DDR1: variants seen among roughly 807,000 people sequenced by gnomAD.
DDR1 encodes discoidin domain receptor tyrosine kinase 1.
Under a neutral mutation model 97.4 loss-of-function variants are expected in DDR1, and 64 were observed. The observed-to-expected ratio is 0.66, with a 90% CI of 0.54 to 0.81. DDR1 has a LOEUF of 0.81. Ranked by LOEUF, DDR1 falls within the 30% of genes least tolerant of loss-of-function variation. The pLI, the probability that DDR1 is intolerant of heterozygous loss-of-function variation, is 0.00. For missense variants in DDR1, 990 were observed against 1,259.6 expected, an observed-to-expected ratio of 0.79 and a Z score of 3.24; for synonymous variants, 458 against 503.7, an observed-to-expected ratio of 0.91 and a Z score of 1.21.
chr6:30,892,517 C>A lies in DDR1; in HGVS notation c.1074C>A (p.Leu358=), dbSNP rs1392891394. 6.3e-7 allele frequency: 1 copy of A among 1,598,910 alleles called. No individual in the cohort carries two copies. The highest frequency in any genetic ancestry group is 1.1e-5 in the South Asian group (1 of 89,968). The change falls in exon 8 of 18, where the codon CTC becomes CTA. Residue 358 remains leucine (L), a synonymous_variant. Coordinates refer to ENST00000376568, the MANE Select transcript of DDR1 (RefSeq NM_001297654.2). ...TCCTCTTTGCGGGGCCCTGGTTACTCTTCAGCGAAATCTCCTTCATCTCTG... is the reference window on the plus strand; with the variant it reads ...TCCTCTTTGCGGGGCCCTGGTTACTATTCAGCGAAATCTCCTTCATCTCTG... ...CRFLFAGPWL[L]FSEISFISDV...
At position 30,888,883 on chromosome 6, in the gene DDR1, T is replaced by G. The variant is rs1350055743; in HGVS notation, c.86-25T>G. On this transcript the variant is annotated intron_variant, in intron 2 of 17. Coordinates refer to ENST00000376568, the MANE Select transcript of DDR1 (RefSeq NM_001297654.2). The surrounding 1 kb of genome is among the most constrained non-coding windows in gnomAD (Gnocchi z 4.2). ...AGGTAGAGAGTTGGGGGCCTTGACC[T>G]GTTACATGCCTGCTTTTTACTCAGC... The G allele has an allele frequency of 6.2e-7, 1 of 1,612,946 alleles. No homozygotes were observed. The highest frequency in any genetic ancestry group is 1.3e-5 in the African/African-American group (1 of 74,986).
Position 30,896,662 on chromosome 6 carries a change from C to A in DDR1, c.1666C>A (p.Pro556Thr). ...DYMEPEKPGA[P>T]LLPPPPQNSV... ...TATGGAGCCTGAGAAGCCAGGCGCC[C>A]CGCTTCTGCCCCCACCTCCCCAGAA... The change falls in exon 13 of 18, where the codon CCG (proline) becomes ACG (threonine). Residue 556 changes from proline (P) to threonine (T), a missense_variant. Physicochemically the swap from Pro to Thr is conservative, Grantham distance 38. Transcript: ENST00000376568. 6.2e-7 allele frequency: 1 copy of A among 1,613,454 alleles called. No individual in the cohort carries two copies. Among genetic ancestry groups the A allele is most frequent in the Non-Finnish European group, 8.5e-7 (1 of 1,179,730 alleles).
upstream of DDR1, chr6:30,883,066 GCTGT>G (rs1179257866): frequency 2.0e-5 from 3 of 152,454 alleles, no homozygotes; most frequent in African/African-American, 4.8e-5. This position sits in a 1 kb window ranked among gnomAD's most constrained non-coding sequence, Gnocchi z 4.9. Context: ...TGACCCTGGG[GCTGT>G]CTGTTAGCAG....
chr6:30,895,841 C>T (rs1004316195), intron 12 of DDR1, among the ~76,000 whole-genome samples: 2 of 152,158 alleles, frequency 1.3e-5, no homozygotes, highest in Non-Finnish European at 2.9e-5. Flanking sequence ...CCTTTATTCT[C>T]CACTCTCTCT....
chr6:30,899,405 C>G lies in DDR1; in HGVS notation c.*109C>G. ...TGCCCTTCCCCTCCCGACAGCCCAT[C>G]ACCTCTAATAGAGGCAGTGAGACTG... On this transcript the variant is annotated 3_prime_UTR_variant, in exon 18 of 18. Transcript: ENST00000376568. 1 of 1,412,582 alleles carries G rather than the reference C, an allele frequency of 7.1e-7. No individual in the cohort carries two copies. The highest frequency in any genetic ancestry group is 2.3e-5 in the Admixed American group (1 of 43,060). The allele number at this position is 1,412,582 out of a possible 1,614,324, so 87.5% of individuals were successfully genotyped here.
chr6:30,888,626 T>C lies in DDR1; in HGVS notation c.-42-62T>C, dbSNP rs1786764328. On this transcript the variant is annotated intron_variant, in intron 1 of 17. Transcript: ENST00000376568. This position sits in a 1 kb window ranked among gnomAD's most constrained non-coding sequence, Gnocchi z 4.2. ...CCCCAAAGCGGCCCATTCTGTCTGT[T>C]GCTGTCAGCTATGACTCAGTCCCCT... 2 of 1,537,746 alleles carry C rather than the reference T, an allele frequency of 1.3e-6. No homozygotes were observed. Among genetic ancestry groups the C allele is most frequent in the Non-Finnish European group, 1.8e-6 (2 of 1,139,030 alleles).
Position 30,894,251 on chromosome 6 carries a change from AAAAC to A in DDR1, c.1348-243_1348-240del, listed in dbSNP as rs537886593. 1.6e-4 allele frequency among the ~76,000 whole-genome samples: 24 copies of A among 152,244 alleles called. No homozygotes were observed. Among genetic ancestry groups the A allele is most frequent in the African/African-American group, 3.4e-4 (14 of 41,538 alleles). ...GACAAGAGCAAAATTCCATCTCAAA[AAAAC>A]AAACAAACAAAAAAAAAACGGTTGA... On this transcript the variant is annotated intron_variant, in intron 10 of 17. Transcript: ENST00000376568. The surrounding 1 kb of genome is among the most constrained non-coding windows in gnomAD (Gnocchi z 5.7).
Position 30,889,380 on chromosome 6 carries a change from TC to T in DDR1, c.370del (p.Arg124GlyfsTer17). 6.2e-7 allele frequency: 1 copy of T among 1,600,904 alleles called. No individual in the cohort carries two copies. Among genetic ancestry groups the T allele is most frequent in the South Asian group, 1.1e-5 (1 of 89,076 alleles). On this transcript the variant is annotated frameshift_variant, in exon 4 of 18. Coordinates refer to ENST00000376568, the MANE Select transcript of DDR1 (RefSeq NM_001297654.2). LOFTEE classifies it high-confidence loss of function. This position sits in a 1 kb window ranked among gnomAD's most constrained non-coding sequence, Gnocchi z 4.9. Reference sequence around the variant, plus strand: ...CTCCCGGAGCTACCGGCTGCGTTACTCCCGGGATGGTCGCCGCTGGATGGGC... The same window carrying T: ...CTCCCGGAGCTACCGGCTGCGTTACTCCGGGATGGTCGCCGCTGGATGGGC... ...EFSRSYRLRY[S>X]RDGRRWMGWK...
chr6:30,890,445 C>CGG lies in DDR1; in HGVS notation c.418-528_418-527insGG. 6.5e-6 allele frequency: 1 copy of CGG among 153,154 alleles called. No individual in the cohort carries two copies. Among genetic ancestry groups the CGG allele is most frequent in the Non-Finnish European group, 1.5e-5 (1 of 68,722 alleles). The allele number at this position is 153,154 out of a possible 1,614,324, so 9.5% of individuals were successfully genotyped here. A position where few individuals can be genotyped will look rare whatever the true frequency, so the allele number is the denominator to read the frequency against. ...GTGTCACCTCCTTAGAGAGCCTTTT[C>CGG]TGGCCACCCACCTCACTGCTCTGTC... On this transcript the variant is annotated intron_variant, in intron 4 of 17. Transcript: ENST00000376568. This position sits in a 1 kb window ranked among gnomAD's most constrained non-coding sequence, Gnocchi z 5.0.
At position 30,897,514 on chromosome 6, in the gene DDR1, G is replaced by A. The variant is rs1203807027; in HGVS notation, c.2133G>A (p.Gln711=). 1.2e-6 allele frequency: 2 copies of A among 1,614,156 alleles called. No homozygotes were observed. Among genetic ancestry groups the A allele is most frequent in the Non-Finnish European group, 1.7e-6 (2 of 1,180,028 alleles). The change falls in exon 15 of 18, where the codon CAG becomes CAA. Residue 711 remains glutamine (Q), a synonymous_variant. Transcript: ENST00000376568. This position sits in a 1 kb window ranked among gnomAD's most constrained non-coding sequence, Gnocchi z 5.2. ...ACATGGAGAACGGCGACCTCAACCA[G>A]TTCCTCAGTGCCCACCAGCTGGAGG... ...TDYMENGDLN[Q]FLSAHQLEDK... is the part of the protein sequence containing the mutation.
chr6:30,891,290 A>G lies in DDR1; in HGVS notation c.566-90A>G, dbSNP rs924164656. On this transcript the variant is annotated intron_variant, in intron 5 of 17. Coordinates refer to ENST00000376568, the MANE Select transcript of DDR1 (RefSeq NM_001297654.2). This position sits in a 1 kb window ranked among gnomAD's most constrained non-coding sequence, Gnocchi z 5.3. ...GCCAATGAGCCAGTGGAGAGATACA[A>G]GAAGGGACCTGAAACCTGCCCAGGC... The G allele has an allele frequency of 4.9e-6, 7 of 1,418,234 alleles. No homozygotes were observed. Among genetic ancestry groups the G allele is most frequent in the Non-Finnish European group, 6.8e-6 (7 of 1,024,540 alleles). 87.9% of individuals were successfully genotyped at this position (1,418,234 alleles called of 1,614,324 possible). A position where few individuals can be genotyped will look rare whatever the true frequency, so the allele number is the denominator to read the frequency against.
intron 1 of DDR1, among the ~76,000 whole-genome samples, chr6:30,887,879 C>T (rs570446963): frequency 6.6e-6 from 1 of 152,294 alleles, no homozygotes; most frequent in Admixed American, 6.5e-5. Context: ...GGGTTACAGG[C>T]ATGAGCCACC....
rs1157651197 is a variant in DDR1 at position 30,892,449 on chromosome 6, G to C, written c.1006G>C (p.Val336Leu). Reference protein sequence around the residue: ...LGDPRARAVSVPLGGRVARFL... With the variant: ...LGDPRARAVSLPLGGRVARFL... ...GGACCCCAGAGCCCGGGCTGTCTCA[G>C]TGCCCCTTGGCGGCCGTGTGGCTCG... The change falls in exon 8 of 18, where the codon GTG becomes CTG. Residue 336 changes from valine to leucine, a missense_variant. Transcript: ENST00000376568. The C allele has an allele frequency of 6.2e-7, 1 of 1,609,020 alleles. No homozygotes were observed. Among genetic ancestry groups the C allele is most frequent in the East Asian group, 2.2e-5 (1 of 44,874 alleles).
intron 1 of DDR1, chr6:30,885,014 C>T: frequency 1.8e-6 from 1 of 550,854 alleles, no homozygotes; most frequent in Non-Finnish European, 3.3e-6. Context: ...AGGAGGTGCT[C>T]CTGTGCAGCC....
rs1039215288 is a variant in DDR1, at chr6:30,889,586, C to T, written c.417+156C>T. ...CAAACAATATTGTAAACCTGGCCAC[C>T]TTTTGGATTTCTCCACTTAGATGTC... On this transcript the variant is annotated intron_variant, in intron 4 of 17. Transcript: ENST00000376568. The surrounding 1 kb of genome is among the most constrained non-coding windows in gnomAD (Gnocchi z 4.9). Among the ~76,000 whole-genome samples, 1 of 152,008 alleles carries T rather than the reference C, an allele frequency of 6.6e-6. No individual in the cohort carries two copies. The highest frequency in any genetic ancestry group is 2.4e-5 in the African/African-American group (1 of 41,358).
rs1434935917 is a variant in DDR1, at chr6:30,891,162, G to T, written c.565+42G>T. The T allele has an allele frequency of 1.2e-6, 2 of 1,610,258 alleles. No homozygotes were observed. The highest frequency in any genetic ancestry group is 4.5e-5 in the East Asian group (2 of 44,848). ...CCTGGGAATCTGTTTCCTGAGCAGG[G>T]GACTGGAGGGTGGGGAGTGTGGAGA... On this transcript the variant is annotated intron_variant, in intron 5 of 17. Transcript: ENST00000376568. The surrounding 1 kb of genome is among the most constrained non-coding windows in gnomAD (Gnocchi z 5.3).
At chr6:30,884,164 G>A (rs560498469), upstream of DDR1, 391 of 152,528 alleles carry the variant, frequency 2.6e-3, no homozygotes, top group African/African-American at 8.3e-3. The surrounding 1 kb of genome is among the most constrained non-coding windows in gnomAD (Gnocchi z 6.1). Flanking sequence ...TTGGGGAAGC[G>A]GGGGTGGGCT....
rs772877167 is a variant in DDR1 at position 30,898,981 on chromosome 6, A to G, written c.2545A>G (p.Thr849Ala). ...TAGGGCCCAGCCCTTTGGGCAGCTC[A>G]CCGACGAGCAGGTCATCGAGAACGC... The part of the protein sequence containing the change: ...LCRAQPFGQL[T>A]DEQVIENAGE... Residue 849 changes from threonine to alanine, a missense_variant, in exon 17 of 18, where the codon ACC becomes GCC. Coordinates refer to ENST00000376568, the MANE Select transcript of DDR1 (RefSeq NM_001297654.2). 10 of 1,614,130 alleles carry G rather than the reference A, an allele frequency of 6.2e-6. No homozygotes were observed. In the East Asian group the frequency reaches 2.0e-4, roughly 32 times the overall value.
rs753668090 is a variant in DDR1, at chr6:30,896,740, G to A, written c.1744G>A (p.Gly582Arg). 10 of 1,594,402 alleles carry A rather than the reference G, an allele frequency of 6.3e-6. No homozygotes were observed. The highest frequency in any genetic ancestry group is 1.7e-4 in the Middle Eastern group (1 of 5,982). The part of the protein sequence containing the change: ...ADIVTLQGVT[G>R]GNTYAVPALP... ...CATTGTTACCCTGCAGGGCGTCACC[G>A]GGGGCAACACCTATGCTGTGCCTGC... The change falls in exon 13 of 18, where the codon GGG becomes AGG. Residue 582 changes from glycine to arginine, a missense_variant. Gly to Arg is a moderately radical substitution (Grantham distance 125). Coordinates refer to ENST00000376568, the MANE Select transcript of DDR1 (RefSeq NM_001297654.2).
Sources: gnomAD v4.1 joint callset for allele counts (sites outside exome capture counted in the v4.1 genomes callset) on GRCh38, gnomAD v4.1.1 for gene constraint, Gnocchi (gnomAD v3.1) non-coding constraint, MANE v1.5 for transcripts, NCBI Gene and HGNC (gene_info 2026-07-23, HGNC 2026-07-21) for gene names.